Variants in STRN3 observed in about 807,000 individuals in gnomAD.
The protein encoded by STRN3 is striatin 3, also known as striatin-3.
A neutral mutation model predicts 95.6 loss-of-function variants in STRN3; 29 were observed. The observed-to-expected ratio is 0.30, with a 90% CI of 0.23 to 0.41. The LOEUF (loss-of-function observed/expected upper bound fraction) is 0.41, where lower values mean the gene tolerates loss of function less well. Among genes scored for constraint, STRN3 ranks in the 10% least tolerant of loss-of-function variants. STRN3 has a pLI of 1.00. For missense variants in STRN3, 890 were observed against 972.1 expected (o/e 0.92, Z 1.12); for synonymous variants, 331 against 357.6 (o/e 0.93, Z 0.84).
intron 1 of STRN3, among the ~76,000 whole-genome samples, chr14:30,966,306 C>T (rs963386537): frequency 2.0e-5 from 3 of 152,158 alleles, no homozygotes; most frequent in Admixed American, 6.5e-5. Context: ...CCCTTCTATA[C>T]AGAAGTAACT....
At chr14:30,975,027 G>A (rs1369179645) in intron 1 of STRN3, among the ~76,000 whole-genome samples, 1 of 141,748 alleles carries the variant, frequency 7.1e-6, no homozygotes, top group East Asian at 2.0e-4. Context: ...AATATTATGT[G>A]AAAGGTAACT....
chr14:30,905,303 A>G, intron 15 of STRN3, 115 bp downstream of exon 15: 1 of 1,063,918 alleles, frequency 9.4e-7, no homozygotes, highest in South Asian at 2.2e-5. Context: ...TTATGAAACT[A>G]ATTATTTTGC....
chr14:30,999,684 A>G (rs1882358780), intron 1 of STRN3, among the ~76,000 whole-genome samples: 1 of 152,140 alleles, frequency 6.6e-6, no homozygotes, highest in Non-Finnish European at 1.5e-5. Flanking sequence ...CCTGTGGGAC[A>G]CCATTAAGTA....
At chr14:30,926,079 T>C (rs1014752100) in intron 8 of STRN3, among the ~76,000 whole-genome samples, 3 of 152,098 alleles carry the variant, frequency 2.0e-5, no homozygotes, top group Non-Finnish European at 4.4e-5. Flanking sequence ...CGGCAAGGAT[T>C]CAGAGCCAAC....
intron 1 of STRN3, among the ~76,000 whole-genome samples, chr14:30,975,836 TAAAAAAAAAA>T (rs528570710): frequency 4.4e-5 from 5 of 113,124 alleles, no homozygotes; most frequent in East Asian, 5.5e-4. Flanking sequence ...CCTGGCTCTT[TAAAAAAAAAA>T]AAAAAAAAAA....
intron 8 of STRN3, among the ~76,000 whole-genome samples, chr14:30,922,392 T>C (rs1485264199): frequency 6.6e-6 from 1 of 152,146 alleles, no homozygotes; most frequent in Non-Finnish European, 1.5e-5. Context: ...AAGTCCTATA[T>C]AAATGCATAA....
At chr14:30,977,286 C>T (rs921300463) in intron 1 of STRN3, among the ~76,000 whole-genome samples, 1 of 151,918 alleles carries the variant, frequency 6.6e-6, no homozygotes, top group African/African-American at 2.4e-5. Context: ...TAGCTTCCAT[C>T]TTAGGAAATC....
At chr14:31,002,165 T>C (rs1352174225) in intron 1 of STRN3, among the ~76,000 whole-genome samples, 19 of 12,838 alleles carry the variant, frequency 1.5e-3, no homozygotes, top group Admixed American at 5.8e-3. Flanking sequence ...AAATTCCATC[T>C]CAAAAAAAAA....
intron 1 of STRN3, among the ~76,000 whole-genome samples, chr14:30,966,600 G>A (rs879283090): frequency 7.9e-5 from 12 of 152,170 alleles, no homozygotes; most frequent in Admixed American, 4.6e-4. Flanking sequence ...ATACTGCTGC[G>A]ATGACTGTGC....
At position 30,968,321 on chromosome 14, in the gene STRN3, C is replaced by T. The variant is rs1227581490; in HGVS notation, c.283-12079G>A. 2.9e-5 allele frequency among the ~76,000 whole-genome samples: 4 copies of T among 137,840 alleles called. No individual in the cohort carries two copies. The Admixed American group carries it at 2.9e-4, about 10-fold the overall frequency. The allele number at this position is 137,840 out of a possible 152,430, so 90.4% of individuals were successfully genotyped here. A position where few individuals can be genotyped will look rare whatever the true frequency, so the allele number is the denominator to read the frequency against. On this transcript the variant is annotated intron_variant, in intron 1 of 17. Transcript: ENST00000357479. ...AAAAAGAAAAAAGAAATTGGGGGGA[C>T]AGAATTTATGTAAAAAGAACGTTAT...
chr14:30,910,937 A>G, intron 13 of STRN3, 104 bp downstream of exon 13: 1 of 1,252,738 alleles, frequency 8.0e-7, no homozygotes, highest in Non-Finnish European at 1.1e-6. Context: ...GAACTAAATG[A>G]GGTGACTAAT....
chr14:31,007,225 T>C (rs1882759522), intron 1 of STRN3, among the ~76,000 whole-genome samples: 1 of 152,236 alleles, frequency 6.6e-6, no homozygotes, highest in Admixed American at 6.5e-5. Context: ...GAATAGTAAC[T>C]TGATACCAAA....
chr14:30,984,589 C>A (rs139410932), intron 1 of STRN3, among the ~76,000 whole-genome samples: 1 of 151,966 alleles, frequency 6.6e-6, no homozygotes, highest in East Asian at 1.9e-4. Flanking sequence ...AACATCCTGG[C>A]CAACAGGATG....
rs980260531 is a variant in STRN3 at position 30,894,181 on chromosome 14, G to A, written c.*1230C>T. ...ACTAGTCAAAACACAGCAGATTTCTGTATCCTGATTCAACTATTTTTGTAT... is the reference window on the plus strand; with the variant it reads ...ACTAGTCAAAACACAGCAGATTTCTATATCCTGATTCAACTATTTTTGTAT... On this transcript the variant is annotated 3_prime_UTR_variant, in exon 18 of 18. Coordinates refer to ENST00000357479, the MANE Select transcript of STRN3 (RefSeq NM_001083893.2). 2 of 152,346 alleles carry A rather than the reference G, an allele frequency of 1.3e-5. No individual in the cohort carries two copies. The highest frequency in any genetic ancestry group is 1.9e-4 in the East Asian group (1 of 5,198). The allele number at this position is 152,346 out of a possible 1,614,324, so 9.4% of individuals were successfully genotyped here.
chr14:30,986,768 A>C (rs1435048084), intron 1 of STRN3, among the ~76,000 whole-genome samples: 1 of 152,238 alleles, frequency 6.6e-6, no homozygotes, highest in Non-Finnish European at 1.5e-5. Flanking sequence ...CACCTACTTT[A>C]GTGTAATGTA....
At chr14:30,989,760 A>AGGGCACTATGACTTTTAAGAGATGGC (rs1566478359) in intron 1 of STRN3, among the ~76,000 whole-genome samples, 3 of 151,854 alleles carry the variant, frequency 2.0e-5, no homozygotes, top group African/African-American at 7.3e-5. Flanking sequence ...GCCCGGACAA[A>AGGGCACTATGACTTTTAAGAGATGGC]ACACAGGATT....
intron 1 of STRN3, among the ~76,000 whole-genome samples, chr14:31,015,632 C>G (rs1883203607): frequency 6.6e-6 from 1 of 152,194 alleles, no homozygotes; most frequent in Non-Finnish European, 1.5e-5. Flanking sequence ...CTTGGCCTCC[C>G]AAAGTGCTGG....
chr14:30,972,762 C>T lies in STRN3; in HGVS notation c.283-16520G>A, dbSNP rs192746283. On this transcript the variant is annotated intron_variant, in intron 1 of 17. Coordinates refer to ENST00000357479, the MANE Select transcript of STRN3 (RefSeq NM_001083893.2). ...TTGACGTTACAATGAGCTATGATTG[C>T]GCCACTGCACTCCAGCTGGGCAAAA... 1.6e-4 allele frequency among the ~76,000 whole-genome samples: 24 copies of T among 152,258 alleles called. No individual in the cohort carries two copies. In the East Asian group the frequency reaches 3.9e-3, roughly 24 times the overall value.
At chr14:31,000,626 A>T (rs1375956255) in intron 1 of STRN3, among the ~76,000 whole-genome samples, 1 of 152,168 alleles carries the variant, frequency 6.6e-6, no homozygotes, top group Non-Finnish European at 1.5e-5. Flanking sequence ...TTCGGTAGTG[A>T]GGTTATCTTC....
Sources: gnomAD v4.1 joint callset for allele counts (sites outside exome capture counted in the v4.1 genomes callset) on GRCh38, gnomAD v4.1.1 for gene constraint, MANE v1.5 for transcripts, NCBI Gene and HGNC (gene_info 2026-07-23, HGNC 2026-07-21) for gene names.